SCAPER: variants seen among roughly 807,000 people sequenced by gnomAD.
SCAPER encodes S-phase cyclin A associated protein in the ER.
Under a neutral mutation model 182.2 loss-of-function variants are expected in SCAPER, and 98 were observed. The observed-to-expected ratio is 0.54, with a 90% CI of 0.46 to 0.64. The LOEUF is 0.64. SCAPER is among the 30% of genes least tolerant of loss of function. SCAPER has a pLI of 0.00. For missense variants in SCAPER, 1,432 were observed against 1,690.0 expected, an observed-to-expected ratio of 0.85 and a Z score of 2.68; for synonymous variants, 605 against 564.6, an observed-to-expected ratio of 1.07 and a Z score of -1.01.
chr15:76,647,353 C>G (rs1232273239), intron 21 of SCAPER, among the ~76,000 whole-genome samples: 1 of 152,174 alleles, frequency 6.6e-6, no homozygotes, highest in Non-Finnish European at 1.5e-5. Flanking sequence ...CTTTCTACTA[C>G]AAGCAACTTA....
intron 15 of SCAPER, among the ~76,000 whole-genome samples, chr15:76,739,401 T>C (rs1053667407): frequency 6.6e-6 from 1 of 152,216 alleles, no homozygotes; most frequent in Non-Finnish European, 1.5e-5. Flanking sequence ...CAACTTCTGT[T>C]TGGCATATCC....
intron 22 of SCAPER, among the ~76,000 whole-genome samples, chr15:76,590,581 T>C (rs2049032383): frequency 6.6e-6 from 1 of 152,152 alleles, no homozygotes; most frequent in African/African-American, 2.4e-5. Context: ...GCCTATATAA[T>C]GTTGGTGGGA....
At chr15:76,678,258 A>G (rs2057479508) in intron 20 of SCAPER, among the ~76,000 whole-genome samples, 1 of 152,140 alleles carries the variant, frequency 6.6e-6, no homozygotes, top group African/African-American at 2.4e-5. Context: ...TATTTTTAAG[A>G]CCAGGGTGGA....
chr15:76,630,902 G>A (rs1295985023), intron 21 of SCAPER, among the ~76,000 whole-genome samples: 2 of 152,140 alleles, frequency 1.3e-5, no homozygotes, highest in African/African-American at 4.8e-5. Flanking sequence ...GAGTGTTAAA[G>A]TCTCCCACTG....
chr15:76,587,767 G>T (rs534605143), intron 22 of SCAPER, among the ~76,000 whole-genome samples: 1 of 151,936 alleles, frequency 6.6e-6, no homozygotes, highest in African/African-American at 2.4e-5. Flanking sequence ...GTGGCTGTTG[G>T]GTAGAAATAT....
chr15:76,362,986 C>T (rs2041552975), intron 29 of SCAPER, among the ~76,000 whole-genome samples: 1 of 152,092 alleles, frequency 6.6e-6, no homozygotes, highest in Admixed American at 6.5e-5. Context: ...TTGTTTTTTA[C>T]CCCAGAAGGC....
At chr15:76,510,864 C>CGCGTGTGTGTGTGTGTGT (rs1171691432) in intron 23 of SCAPER, among the ~76,000 whole-genome samples, 1 of 150,498 alleles carries the variant, frequency 6.6e-6, no homozygotes, top group African/African-American at 2.4e-5. Context: ...CTGGTGCGCG[C>CGCGTGTGTGTGTGTGTGT]GTGTGTGTGT....
intron 20 of SCAPER, among the ~76,000 whole-genome samples, chr15:76,690,291 C>T (rs915779664): frequency 5.9e-5 from 9 of 151,920 alleles, no homozygotes; most frequent in Non-Finnish European, 1.0e-4. Flanking sequence ...AGTCATCAGG[C>T]GAACCCAAAT....
At chr15:76,650,143 G>A (rs142009075) in intron 21 of SCAPER, among the ~76,000 whole-genome samples, 128 of 152,114 alleles carry the variant, frequency 8.4e-4, no homozygotes, top group Non-Finnish European at 1.5e-3. Flanking sequence ...ATACTGTGAT[G>A]GTTAAAAGAT....
At chr15:76,582,296 A>AT (rs1457491479) in intron 22 of SCAPER, among the ~76,000 whole-genome samples, 3 of 152,248 alleles carry the variant, frequency 2.0e-5, no homozygotes, top group African/African-American at 7.2e-5. Flanking sequence ...AATCATTAGC[A>AT]TTTCTACATC....
At chr15:76,726,124 A>AATATGAAT (rs1555555703) in intron 17 of SCAPER, among the ~76,000 whole-genome samples, 2 of 15,348 alleles carry the variant, frequency 1.3e-4, no homozygotes, top group Non-Finnish European at 1.8e-4. Flanking sequence ...TAATGTCTAG[A>AATATGAAT]ATATATATAT....
At chr15:76,663,192 G>A (rs1443952065) in intron 21 of SCAPER, among the ~76,000 whole-genome samples, 1 of 152,046 alleles carries the variant, frequency 6.6e-6, no homozygotes, top group Non-Finnish European at 1.5e-5. Context: ...ATCAATATAT[G>A]TGTTAGTCAC....
chr15:76,469,375 T>C (rs553323693), intron 25 of SCAPER, among the ~76,000 whole-genome samples: 1 of 152,304 alleles, frequency 6.6e-6, no homozygotes, highest in East Asian at 1.9e-4. Context: ...TTTAACCCAG[T>C]GTCCCTTACT....
intron 5 of SCAPER, among the ~76,000 whole-genome samples, chr15:76,812,814 G>T (rs1161116907): frequency 6.7e-6 from 1 of 149,776 alleles, no homozygotes; most frequent in Admixed American, 6.7e-5. Flanking sequence ...TCCCAATGAA[G>T]AAAAGTCCAA....
Position 76,598,051 on chromosome 15 carries a change from A to T in SCAPER, c.2711+23713T>A, listed in dbSNP as rs181131684. ...GGGAGAAAATTTTTGCAATCTATCC[A>T]TCTGACAAAGGGCTAATATCCAGAA... On this transcript the variant is annotated intron_variant, in intron 22 of 31. Transcript: ENST00000563290. 8.0e-3 allele frequency among the ~76,000 whole-genome samples: 956 copies of T among 119,990 alleles called. 88 individuals are homozygous for T. Among genetic ancestry groups the T allele is most frequent in the African/African-American group, 0.023 (914 of 39,532 alleles). 78.7% of individuals were successfully genotyped at this position (119,990 alleles called of 152,430 possible).
At chr15:76,437,586 T>C (rs2047281456) in intron 25 of SCAPER, among the ~76,000 whole-genome samples, 1 of 152,244 alleles carries the variant, frequency 6.6e-6, no homozygotes, top group African/African-American at 2.4e-5. Context: ...TTCTAGGTAA[T>C]GTCAGGGTTC....
chr15:76,633,340 G>C (rs971467234), intron 21 of SCAPER, among the ~76,000 whole-genome samples: 1 of 152,206 alleles, frequency 6.6e-6, no homozygotes. Context: ...CCTGATGCCA[G>C]CTGGAACACT....
chr15:76,574,406 T>C (rs1354172419), intron 22 of SCAPER, 122 bp from the exon 23 acceptor site: 2 of 1,113,558 alleles, frequency 1.8e-6, no homozygotes, highest in African/African-American at 3.2e-5. Context: ...TCACAGAGCA[T>C]CTGAGGGGAG....
chr15:76,500,580 A>C (rs2041013663), intron 24 of SCAPER, among the ~76,000 whole-genome samples: 1 of 152,018 alleles, frequency 6.6e-6, no homozygotes, highest in Non-Finnish European at 1.5e-5. Flanking sequence ...TGGCAACACA[A>C]AGTTTTGGTA....
Sources: allele counts gnomAD v4.1 joint callset (sites outside exome capture counted in the v4.1 genomes callset), GRCh38; gene constraint gnomAD v4.1.1; transcripts MANE v1.5; gene names NCBI Gene and HGNC (gene_info 2026-07-23, HGNC 2026-07-21).